The following TCF7L1 variants were observed in gnomAD, a reference collection of about 807,000 sequenced individuals.
The protein encoded by TCF7L1 is transcription factor 7 like 1.
TCF7L1 carries 18 observed loss-of-function variants against 63.7 expected under a neutral mutation model. The observed-to-expected ratio is 0.28, with a 90% CI of 0.20 to 0.42. The LOEUF is 0.42. TCF7L1 is among the 10% of genes least tolerant of loss of function. The pLI is 1.00. For missense variants in TCF7L1, 654 were observed against 779.3 expected (o/e 0.84, Z 1.91); for synonymous variants, 355 against 340.9 (o/e 1.04, Z -0.46).
chr2:85,196,056 C>G (rs371833113), intron 3 of TCF7L1, among the ~76,000 whole-genome samples: 1 of 152,142 alleles, frequency 6.6e-6, no homozygotes, highest in Non-Finnish European at 1.5e-5. Context: ...CCACAATAGT[C>G]ACAAAACCAG....
intron 3 of TCF7L1, among the ~76,000 whole-genome samples, chr2:85,241,430 T>C (rs920830483): frequency 1.7e-4 from 22 of 128,518 alleles, no homozygotes; most frequent in African/African-American, 7.8e-4. Flanking sequence ...GGATGCACTT[T>C]GTTTTTGTTT....
At chr2:85,145,755 A>G (rs913050532) in intron 3 of TCF7L1, among the ~76,000 whole-genome samples, 32 of 152,164 alleles carry the variant, frequency 2.1e-4, no homozygotes, top group Non-Finnish European at 3.8e-4. Context: ...GTCCAGCTGC[A>G]CTCTACAGTG....
At chr2:85,266,880 G>T (rs1680989002) in intron 3 of TCF7L1, among the ~76,000 whole-genome samples, 1 of 152,214 alleles carries the variant, frequency 6.6e-6, no homozygotes, top group South Asian at 2.1e-4. Context: ...GTAGCTGGCG[G>T]CCAGGACACC....
intron 3 of TCF7L1, among the ~76,000 whole-genome samples, chr2:85,237,391 G>A (rs930084811): frequency 6.6e-6 from 1 of 152,026 alleles, no homozygotes; most frequent in Non-Finnish European, 1.5e-5. Flanking sequence ...TCCGAGGTCT[G>A]CAGTGCAGCC....
intron 4 of TCF7L1, among the ~76,000 whole-genome samples, chr2:85,294,126 T>C (rs924353624): frequency 1.4e-5 from 2 of 144,520 alleles, no homozygotes; most frequent in Admixed American, 7.3e-5. Flanking sequence ...AAGCTCCACT[T>C]CCCGGATTCA....
intron 3 of TCF7L1, among the ~76,000 whole-genome samples, chr2:85,273,557 G>T (rs1474766777): frequency 6.6e-6 from 1 of 152,226 alleles, no homozygotes; most frequent in African/African-American, 2.4e-5. Context: ...CTCCCAGGTT[G>T]CTGTTAGCAG....
chr2:85,289,221 A>AGTGTGTGTGT (rs10701623), intron 4 of TCF7L1, among the ~76,000 whole-genome samples: 55 of 146,518 alleles, frequency 3.8e-4, no homozygotes, highest in African/African-American at 8.6e-4. Context: ...TTCAGTCTGG[A>AGTGTGTGTGT]GTGTGTGTGT....
chr2:85,243,541 T>A (rs1172910310), intron 3 of TCF7L1, among the ~76,000 whole-genome samples: 1 of 151,922 alleles, frequency 6.6e-6, no homozygotes, highest in Admixed American at 6.6e-5. Flanking sequence ...GGATCCAGTG[T>A]TTTCGGAATT....
intron 4 of TCF7L1, among the ~76,000 whole-genome samples, chr2:85,287,594 A>G (rs6719271): frequency 0.13 from 19,987 of 152,248 alleles, 2,612 homozygotes; most frequent in African/African-American, 0.33. Flanking sequence ...AGATAGCAAC[A>G]TGGATAGTTT....
intron 3 of TCF7L1, among the ~76,000 whole-genome samples, chr2:85,197,405 A>AAT (rs926203775): frequency 3.3e-5 from 5 of 152,104 alleles, no homozygotes; most frequent in African/African-American, 1.2e-4. Context: ...TGTCTCAAAA[A>AAT]ATATATATAT....
At chr2:85,247,175 AAC>A (rs1315406819) in intron 3 of TCF7L1, among the ~76,000 whole-genome samples, 5 of 152,206 alleles carry the variant, frequency 3.3e-5, no homozygotes, top group African/African-American at 4.8e-5. Context: ...TGGTGAAGTG[AAC>A]ACAGCTTACC....
At chr2:85,268,402 A>G (rs1194695520) in intron 3 of TCF7L1, among the ~76,000 whole-genome samples, 1 of 152,092 alleles carries the variant, frequency 6.6e-6, no homozygotes, top group Non-Finnish European at 1.5e-5. Context: ...ATAGTCATCA[A>G]GCACCTCTCA....
intron 3 of TCF7L1, among the ~76,000 whole-genome samples, chr2:85,166,041 T>G (rs551323320): frequency 3.9e-5 from 6 of 152,362 alleles, no homozygotes; most frequent in Admixed American, 6.5e-5. Context: ...GGAACTTATT[T>G]TAAAACTTGA....
chr2:85,242,424 T>C (rs941773632), intron 3 of TCF7L1, among the ~76,000 whole-genome samples: 2 of 152,244 alleles, frequency 1.3e-5, no homozygotes, highest in African/African-American at 4.8e-5. Flanking sequence ...TGGTCCTCCA[T>C]CACCTTGAGG....
chr2:85,169,252 A>G (rs953697836), intron 3 of TCF7L1, among the ~76,000 whole-genome samples: 7 of 151,894 alleles, frequency 4.6e-5, no homozygotes, highest in Non-Finnish European at 7.4e-5. Flanking sequence ...GAACACACCT[A>G]GTGCGCTTCT....
At chr2:85,180,560 T>A (rs1267965336) in intron 3 of TCF7L1, among the ~76,000 whole-genome samples, 2 of 152,184 alleles carry the variant, frequency 1.3e-5, no homozygotes, top group Non-Finnish European at 2.9e-5. Flanking sequence ...GTTATCCACA[T>A]TACAGACCTC....
At chr2:85,276,718 A>G (rs1681279960) in intron 3 of TCF7L1, among the ~76,000 whole-genome samples, 1 of 152,094 alleles carries the variant, frequency 6.6e-6, no homozygotes, top group Non-Finnish European at 1.5e-5. Context: ...CGGCATTAAT[A>G]CAGCATGGGA....
intron 3 of TCF7L1, among the ~76,000 whole-genome samples, chr2:85,166,688 A>G (rs985147823): frequency 5.3e-5 from 8 of 152,224 alleles, no homozygotes; most frequent in Admixed American, 3.3e-4. Context: ...AGTAGATGGG[A>G]AGGCATTTGA....
chr2:85,249,775 T>C (rs968057750), intron 3 of TCF7L1, among the ~76,000 whole-genome samples: 1 of 152,160 alleles, frequency 6.6e-6, no homozygotes, highest in African/African-American at 2.4e-5. Flanking sequence ...AGAAAACCCA[T>C]GGGCTCTGTG....
Sources: allele counts gnomAD v4.1 joint callset (sites outside exome capture counted in the v4.1 genomes callset), GRCh38; gene constraint gnomAD v4.1.1; transcripts MANE v1.5; gene names NCBI Gene and HGNC (gene_info 2026-07-23, HGNC 2026-07-21).